Variants in PISD observed in about 807,000 individuals in gnomAD.
The protein encoded by PISD is phosphatidylserine decarboxylase.
PISD carries 31 observed loss-of-function variants against 43.5 expected under a neutral mutation model. The observed-to-expected ratio is 0.71, with a 90% confidence interval of 0.54 to 0.96. The LOEUF (loss-of-function observed/expected upper bound fraction) is 0.96. PISD is among the 40% of genes least tolerant of loss of function. The pLI is 0.00. For missense variants in PISD, 523 were observed against 548.4 expected (o/e 0.95, Z 0.46); for synonymous variants, 259 against 228.7 (o/e 1.13, Z -1.20).
chr22:31,662,239 C>T (rs368828503), upstream of PISD: 525 of 1,595,572 alleles, frequency 3.3e-4, no homozygotes, highest in Non-Finnish European at 3.9e-4. Context: ...GTGCCACGCC[C>T]CCTTCACACG....
intron 3 of PISD, among the ~76,000 whole-genome samples, chr22:31,622,336 G>C (rs1348509202): frequency 6.6e-6 from 1 of 152,242 alleles, no homozygotes; most frequent in Non-Finnish European, 1.5e-5. Context: ...AGGCTCCCAA[G>C]TGCATGGAAC....
At chr22:31,635,437 G>A (rs1051271817) in intron 3 of PISD, among the ~76,000 whole-genome samples, 22 of 152,010 alleles carry the variant, frequency 1.4e-4, no homozygotes, top group Admixed American at 6.6e-5. Context: ...CAAGTAGCTG[G>A]GACTACAGGT....
intron 3 of PISD, among the ~76,000 whole-genome samples, chr22:31,622,369 C>T (rs2072633406): frequency 6.6e-6 from 1 of 152,218 alleles, no homozygotes; most frequent in Non-Finnish European, 1.5e-5. Flanking sequence ...CAAAGTGTGT[C>T]CCTCTGTCTT....
At chr22:31,629,214 C>A (rs2073069339) in intron 3 of PISD, 38 of 985,216 alleles carry the variant, frequency 3.9e-5, no homozygotes, top group Non-Finnish European at 4.5e-5. Context: ...TGGGTTGGGG[C>A]CTGCAAGATT....
rs184170655 is a variant in PISD at position 31,652,605 on chromosome 22, G to A, written c.66-1827C>T. On this transcript the variant is annotated intron_variant, in intron 1 of 7. Coordinates refer to ENST00000439502, the MANE Select transcript of PISD (RefSeq NM_001326411.2). ...GTGGATCACTTGAGGTCAGGAGTTC[G>A]AGACCAGCCTGGCCAACATGGTGCA... Among the ~76,000 whole-genome samples, 467 of 150,314 alleles carry A rather than the reference G, an allele frequency of 3.1e-3. 2 individuals are homozygous for A. The highest frequency in any genetic ancestry group is 0.011 in the African/African-American group (442 of 41,016).
intron 3 of PISD, among the ~76,000 whole-genome samples, chr22:31,622,183 T>A (rs1394080120): frequency 7.9e-5 from 12 of 152,232 alleles, no homozygotes; most frequent in Admixed American, 7.8e-4. Context: ...CAGTCTTACT[T>A]CTTAAAGTGG....
intron 1 of PISD, among the ~76,000 whole-genome samples, chr22:31,652,799 G>A (rs1422385455): frequency 1.3e-5 from 2 of 151,794 alleles, no homozygotes; most frequent in Non-Finnish European, 2.9e-5. Flanking sequence ...GGCACTGTGG[G>A]AGGCTGAGGT....
At chr22:31,652,612 G>A (rs1020577670) in intron 1 of PISD, among the ~76,000 whole-genome samples, 15 of 151,686 alleles carry the variant, frequency 9.9e-5, no homozygotes, top group East Asian at 6.0e-4. Flanking sequence ...TTCGAGACCA[G>A]CCTGGCCAAC....
intron 3 of PISD, among the ~76,000 whole-genome samples, chr22:31,631,927 T>C (rs534146151): frequency 2.0e-5 from 3 of 152,290 alleles, no homozygotes; most frequent in Admixed American, 6.5e-5. Flanking sequence ...CTAAAGCAAC[T>C]AAGGCATGAA....
intron 7 of PISD, 81 bp downstream of exon 7, chr22:31,620,472 G>C: frequency 7.1e-7 from 1 of 1,400,494 alleles, no homozygotes; most frequent in South Asian, 1.2e-5. Context: ...CAGTCCCAAC[G>C]CATCCGCCGC....
At chr22:31,625,364 A>G (rs66666267) in intron 3 of PISD, among the ~76,000 whole-genome samples, 8,400 of 152,320 alleles carry the variant, frequency 0.055, 252 homozygotes, top group African/African-American at 0.087. Context: ...CACTCACTGC[A>G]GAAGAGCAGG....
rs1363998298 is a variant in PISD at position 31,619,756 on chromosome 22, G to GCCCT, written c.1082_1085dup (p.Val363GlyfsTer6). The GCCCT allele has an allele frequency of 6.2e-7, 1 of 1,614,170 alleles. No homozygotes were observed. The highest frequency in any genetic ancestry group is 8.5e-7 in the Non-Finnish European group (1 of 1,179,982). ...GGTGCTCGCCCTTACGCATGGGGAC[G>GCCCT]CCCTCTCTATTGGTGTGCGTCACGA... is the stretch of plus-strand genomic sequence containing the variant. On this transcript the variant is annotated frameshift_variant, in exon 8 of 8. Coordinates refer to ENST00000439502, the MANE Select transcript of PISD (RefSeq NM_001326411.2). LOFTEE classifies it high-confidence loss of function.
intron 1 of PISD, 104 bp from the exon 2 acceptor site, chr22:31,650,882 A>G: frequency 1.5e-6 from 1 of 676,260 alleles, no homozygotes; most frequent in Non-Finnish European, 2.5e-6. Context: ...GTAGCAATGT[A>G]AATGTCTTGG....
At chr22:31,625,465 G>A in intron 3 of PISD, 1 of 539,774 alleles carries the variant, frequency 1.9e-6, no homozygotes, top group Non-Finnish European at 3.3e-6. Flanking sequence ...CAAGGGTCTG[G>A]GCTGCGAGCA....
chr22:31,648,179 C>T lies in PISD; in HGVS notation c.243G>A (p.Arg81=). ...CTCGCTCCCTGTACTTCTCATACTG[C>T]CGGTACCCTGCATACCCGCCGCCTG... The part of the protein sequence containing the change: ...LVTGGGYAGY[R]QYEKYREREL... The change falls in exon 3 of 8, where the codon CGG becomes CGA. Residue 81 remains arginine, a synonymous_variant. Transcript: ENST00000439502. 2 of 1,612,536 alleles carry T rather than the reference C, an allele frequency of 1.2e-6. No homozygotes were observed. The highest frequency in any genetic ancestry group is 1.7e-6 in the Non-Finnish European group (2 of 1,179,786).
chr22:31,621,724 G>C lies in PISD; in HGVS notation c.483C>G (p.His161Gln). Residue 161 changes from histidine to glutamine, a missense_variant, in exon 4 of 8, where the codon CAC (histidine) becomes CAG (glutamine). Physicochemically the swap from His to Gln is conservative, Grantham distance 24. Transcript: ENST00000439502. Reference sequence around the variant, plus strand: ...GGAAGAACTCGCTGAGGTTGCGGTAGTGATGCAGGTCCTCCACAGCGGCCT... The same window carrying C: ...GGAAGAACTCGCTGAGGTTGCGGTACTGATGCAGGTCCTCCACAGCGGCCT... The part of the protein sequence containing the change: ...MKEAAVEDLH[H>Q]YRNLSEFFRR... 1 of 1,614,150 alleles carries C rather than the reference G, an allele frequency of 6.2e-7. No homozygotes were observed. Among genetic ancestry groups the C allele is most frequent in the Non-Finnish European group, 8.5e-7 (1 of 1,180,044 alleles).
chr22:31,642,301 C>A (rs1245141085), intron 3 of PISD, among the ~76,000 whole-genome samples: 1 of 150,632 alleles, frequency 6.6e-6, no homozygotes, highest in Non-Finnish European at 1.5e-5. Flanking sequence ...AAAAAATTAG[C>A]TGAGTGTGGT....
chr22:31,658,576 G>T (rs999669172), intron 1 of PISD, among the ~76,000 whole-genome samples: 8 of 152,086 alleles, frequency 5.3e-5, no homozygotes, highest in Non-Finnish European at 1.2e-4. Context: ...TTGAGACAGG[G>T]TCTCACTCTG....
chr22:31,633,238 G>A (rs547126690), intron 3 of PISD, among the ~76,000 whole-genome samples: 5 of 152,246 alleles, frequency 3.3e-5, no homozygotes, highest in African/African-American at 1.2e-4. Flanking sequence ...CCAAGCCCCA[G>A]TTAGACCAGG....
Sources: allele counts gnomAD v4.1 joint callset (sites outside exome capture counted in the v4.1 genomes callset), GRCh38; gene constraint gnomAD v4.1.1; transcripts MANE v1.5; gene names NCBI Gene and HGNC (gene_info 2026-07-23, HGNC 2026-07-21).